WASHC5: variants seen among roughly 807,000 people sequenced by gnomAD.
WASHC5 encodes the protein WASH complex subunit 5, also known as WASH complex subunit strumpellin.
A neutral mutation model predicts 150.4 loss-of-function variants in WASHC5; 101 were observed. That is an observed-to-expected ratio of 0.67 (90% confidence interval 0.57 to 0.79). The LOEUF is 0.79. WASHC5 is among the 30% of genes least tolerant of loss of function. The pLI is 0.00. For synonymous variants in WASHC5, 467 were observed against 491.2 expected (o/e 0.95, Z 0.65); for missense variants, 1,195 against 1,396.3 (o/e 0.86, Z 2.30).
intron 25 of WASHC5, among the ~76,000 whole-genome samples, chr8:125,037,950 A>C (rs1341978541): frequency 6.6e-6 from 1 of 152,184 alleles, no homozygotes; most frequent in Non-Finnish European, 1.5e-5. Context: ...ACAGGGTAGC[A>C]CACGGGTCAG....
At position 125,032,159 on chromosome 8, in the gene WASHC5, G is replaced by A. The variant is rs139743138; in HGVS notation, c.3335+82C>T. On this transcript the variant is annotated intron_variant, in intron 27 of 28. Transcript: ENST00000318410. Reference sequence around the variant, plus strand: ...AACCATTTCCCATCTCTATTAGGGCGATAAGAGGAATTTGGTAATGTGAGG... The same window carrying A: ...AACCATTTCCCATCTCTATTAGGGCAATAAGAGGAATTTGGTAATGTGAGG... The A allele has an allele frequency of 1.3e-4, 194 of 1,477,992 alleles. No homozygotes were observed. The African/African-American group carries it at 2.2e-3, about 17-fold the overall frequency. 91.6% of individuals were successfully genotyped at this position (1,477,992 alleles called of 1,614,324 possible).
In WASHC5 at chr8:125,038,884, T is replaced by TA. The variant is rs1563611253; in HGVS notation, c.3029dup (p.Leu1010PhefsTer3). 2.5e-6 allele frequency: 4 copies of TA among 1,614,128 alleles called. No individual in the cohort carries two copies. Among genetic ancestry groups the TA allele is most frequent in the Non-Finnish European group, 3.4e-6 (4 of 1,179,942 alleles). The stretch of plus-strand genomic sequence containing the variant: ...CCTCCAGATAGGCTGTGATTTCATA[T>TA]AAAAGTGTGTTATCTTCTTTGGGGT... On this transcript the variant is annotated frameshift_variant, in exon 25 of 29. Transcript: ENST00000318410. LOFTEE classifies it high-confidence loss of function.
At chr8:125,078,291 C>T (rs952241356) in intron 6 of WASHC5, among the ~76,000 whole-genome samples, 1 of 152,144 alleles carries the variant, frequency 6.6e-6, no homozygotes, top group African/African-American at 2.4e-5. Context: ...GACCTTGCTG[C>T]CACTGCTGCA....
At chr8:125,070,743 T>C (rs975561846) in intron 9 of WASHC5, among the ~76,000 whole-genome samples, 10 of 152,256 alleles carry the variant, frequency 6.6e-5, no homozygotes, top group Admixed American at 2.6e-4. Flanking sequence ...ATCGTGTTCA[T>C]ACTGTGGGTA....
intron 14 of WASHC5, among the ~76,000 whole-genome samples, chr8:125,058,493 T>G (rs536596815): frequency 6.6e-6 from 1 of 152,242 alleles, no homozygotes; most frequent in Non-Finnish European, 1.5e-5. Context: ...ACACCTGTAA[T>G]CCCAGCACTT....
At chr8:125,065,214 C>G (rs1321038709) in intron 10 of WASHC5, among the ~76,000 whole-genome samples, 1 of 152,196 alleles carries the variant, frequency 6.6e-6, no homozygotes, top group Non-Finnish European at 1.5e-5. Flanking sequence ...CAGAAAGTGA[C>G]TCTATGAACT....
In WASHC5 at chr8:125,061,120, C is replaced by T; in HGVS notation, c.1483G>A (p.Gly495Ser). 2 of 1,612,482 alleles carry T rather than the reference C, an allele frequency of 1.2e-6. No individual in the cohort carries two copies. The highest frequency in any genetic ancestry group is 2.2e-5 in the East Asian group (1 of 44,838). The change falls in exon 12 of 29, where the codon GGC becomes AGC. Residue 495 changes from glycine to serine, a missense_variant. This residue lies in a region of WASHC5 where 997 missense variants were observed against 1,168.1 expected (regional missense o/e 0.85). Transcript: ENST00000318410. ...TGTATCAGTTGTACAGTTTTTCTGC[C>T]CGCAGCAGTAGAATCATCATAATTT... ...SLNYDDSTAAGRKTVQLIQAL... is the reference protein window; with the variant it reads ...SLNYDDSTAASRKTVQLIQAL...
Position 125,041,905 on chromosome 8 carries a change from C to T in WASHC5, c.2850+1920G>A, listed in dbSNP as rs147026775. On this transcript the variant is annotated intron_variant, in intron 23 of 28. Coordinates refer to ENST00000318410, the MANE Select transcript of WASHC5 (RefSeq NM_014846.4). ...GAAAATAGTAGGTTCTTTCAGGCCA[C>T]ATAAAAATGTCCCTGAAACCCTGTA... Among the ~76,000 whole-genome samples, 39 of 152,248 alleles carry T rather than the reference C, an allele frequency of 2.6e-4. No homozygotes were observed. In the East Asian group the frequency reaches 6.0e-3, roughly 23 times the overall value.
intron 8 of WASHC5, 52 bp downstream of exon 8, chr8:125,074,946 T>C (rs1022480243): frequency 9.4e-7 from 1 of 1,062,084 alleles, no homozygotes; most frequent in Non-Finnish European, 1.5e-6. Flanking sequence ...TATTTGCTAC[T>C]TCATAAACTA....
At chr8:125,048,946 G>A in intron 19 of WASHC5, 60 bp downstream of exon 19, 3 of 1,338,374 alleles carry the variant, frequency 2.2e-6, no homozygotes, top group Non-Finnish European at 3.1e-6. Context: ...GGTTTGGGAT[G>A]TGTACTCTAA....
At chr8:125,088,441 G>T (rs1304006756) in intron 1 of WASHC5, among the ~76,000 whole-genome samples, 3 of 142,932 alleles carry the variant, frequency 2.1e-5, no homozygotes, top group African/African-American at 9.0e-5. Flanking sequence ...AAAAAAGGGG[G>T]AGGGGGGGAA....
chr8:125,079,451 A>C (rs1817184267), intron 5 of WASHC5, among the ~76,000 whole-genome samples: 1 of 151,996 alleles, frequency 6.6e-6, no homozygotes, highest in African/African-American at 2.4e-5. Flanking sequence ...TTGTCCTCCC[A>C]AAGTGCTGGG....
At chr8:125,061,693 G>T (rs1337378080) in intron 11 of WASHC5, among the ~76,000 whole-genome samples, 3 of 152,202 alleles carry the variant, frequency 2.0e-5, no homozygotes, top group Non-Finnish European at 4.4e-5. Context: ...GTGAGTCACA[G>T]GGATGTCTGA....
At position 125,042,314 on chromosome 8, in the gene WASHC5, T is replaced by C. The variant is rs893428117; in HGVS notation, c.2850+1511A>G. 1.2e-4 allele frequency among the ~76,000 whole-genome samples: 19 copies of C among 152,242 alleles called. No individual in the cohort carries two copies. In the South Asian group the frequency reaches 2.9e-3, roughly 23 times the overall value. On this transcript the variant is annotated intron_variant, in intron 23 of 28. Transcript: ENST00000318410. ...AATTAATATGAAATAAAATTAAAAA[T>C]TGCATTTCACTGTCCCACAACCCAC... is the stretch of plus-strand genomic sequence containing the variant.
rs544211301 is a variant in WASHC5 at position 125,087,126 on chromosome 8, T to G, written c.-124-3104A>C. On this transcript the variant is annotated intron_variant, in intron 1 of 28. Coordinates refer to ENST00000318410, the MANE Select transcript of WASHC5 (RefSeq NM_014846.4). ...TTGCCATAGTGCTGAGATTCAGTTT[T>G]GAGGACTAACAGTACAAGTTGTCAA... 2.6e-5 allele frequency among the ~76,000 whole-genome samples: 4 copies of G among 152,368 alleles called. No homozygotes were observed. In the South Asian group the frequency reaches 8.3e-4, roughly 32 times the overall value.
chr8:125,077,519 C>T (rs575393267), intron 6 of WASHC5, among the ~76,000 whole-genome samples: 8 of 152,262 alleles, frequency 5.3e-5, no homozygotes, highest in Middle Eastern at 3.4e-3. Context: ...GGACACACAG[C>T]ACAATCACAG....
chr8:125,030,802 C>A (rs1407657147), intron 27 of WASHC5, among the ~76,000 whole-genome samples: 1 of 151,978 alleles, frequency 6.6e-6, no homozygotes, highest in African/African-American at 2.4e-5. Context: ...TTAAGATGGT[C>A]AAAAACAGAC....
intron 23 of WASHC5, among the ~76,000 whole-genome samples, chr8:125,041,838 A>G (rs1173454940): frequency 4.6e-5 from 7 of 152,226 alleles, no homozygotes; most frequent in African/African-American, 1.2e-4. Flanking sequence ...GTTTGAATTT[A>G]TAGAGTAGCA....
At chr8:125,078,595 C>A in intron 6 of WASHC5, 143 bp downstream of exon 6, 1 of 676,350 alleles carries the variant, frequency 1.5e-6, no homozygotes. Flanking sequence ...CTTTATCATC[C>A]TGGGGTGTAG....
Sources: gnomAD v4.1 joint callset for allele counts (sites outside exome capture counted in the v4.1 genomes callset) on GRCh38, gnomAD v4.1.1 for gene constraint, gnomAD v4.1.1 regional missense constraint, MANE v1.5 for transcripts, NCBI Gene and HGNC (gene_info 2026-07-23, HGNC 2026-07-21) for gene names.